Variants in DLG2 observed in about 807,000 individuals in gnomAD.
DLG2 encodes the protein disks large homolog 2.
DLG2 carries 45 observed loss-of-function variants against 132.5 expected under a neutral mutation model. The observed-to-expected ratio is 0.34, with a 90% CI of 0.27 to 0.44. DLG2 has a LOEUF of 0.44. DLG2 is among the 20% of genes least tolerant of loss of function. DLG2 has a pLI of 1.00. For missense variants in DLG2, 1,045 were observed against 1,196.9 expected, an observed-to-expected ratio of 0.87 and a Z score of 1.87; for synonymous variants, 424 against 419.6, an observed-to-expected ratio of 1.01 and a Z score of -0.13.
intron 18 of DLG2, among the ~76,000 whole-genome samples, chr11:83,767,581 G>T (rs556867692): frequency 6.6e-6 from 1 of 152,288 alleles, no homozygotes; most frequent in South Asian, 2.1e-4. Context: ...CTAATACTTT[G>T]CTGTGTGATC....
At chr11:85,624,872 G>C (rs182351517) in intron 2 of DLG2, among the ~76,000 whole-genome samples, 6 of 152,240 alleles carry the variant, frequency 3.9e-5, no homozygotes, top group Admixed American at 1.3e-4. Context: ...AGAAGAAAGG[G>C]AAGGAGGGAG....
chr11:83,563,806 A>C (rs928960943), intron 19 of DLG2, among the ~76,000 whole-genome samples: 10 of 152,184 alleles, frequency 6.6e-5, no homozygotes, highest in African/African-American at 1.9e-4. Flanking sequence ...ACTAAATGAA[A>C]CTGTATTTAT....
intron 11 of DLG2, among the ~76,000 whole-genome samples, chr11:84,037,687 G>T (rs2095905603): frequency 6.6e-6 from 1 of 151,988 alleles, no homozygotes; most frequent in Non-Finnish European, 1.5e-5. Flanking sequence ...TTAAATGTTT[G>T]TTGAATTATT....
chr11:85,040,096 C>T lies in DLG2; in HGVS notation c.357+71565G>A, dbSNP rs575339505. On this transcript the variant is annotated intron_variant, in intron 6 of 27. Transcript: ENST00000376104. ...TGTAACTTATTCAATGTGCACTTTC[C>T]GAGACAGTTCCACAAAAGATCATAA... Among the ~76,000 whole-genome samples, 49 of 151,956 alleles carry T rather than the reference C, an allele frequency of 3.2e-4. No homozygotes were observed. The South Asian group carries it at 6.4e-3, about 20-fold the overall frequency.
intron 8 of DLG2, among the ~76,000 whole-genome samples, chr11:84,220,189 C>G (rs2096893995): frequency 1.3e-5 from 2 of 152,154 alleles, no homozygotes; most frequent in Admixed American, 1.3e-4. Flanking sequence ...AGGCTCTGTA[C>G]TGAGACTCAT....
At chr11:84,027,596 A>G (rs1257294559) in intron 11 of DLG2, among the ~76,000 whole-genome samples, 2 of 152,152 alleles carry the variant, frequency 1.3e-5, no homozygotes, top group African/African-American at 2.4e-5. Flanking sequence ...TGTTATAAAC[A>G]TATTACTTAC....
intron 6 of DLG2, among the ~76,000 whole-genome samples, chr11:84,632,794 A>G (rs2154543988): frequency 6.6e-6 from 1 of 152,318 alleles, no homozygotes; most frequent in East Asian, 1.9e-4. Flanking sequence ...AAATAAGATT[A>G]TATTTTAAAG....
At chr11:85,276,006 T>C (rs2077869129) in intron 4 of DLG2, among the ~76,000 whole-genome samples, 1 of 152,216 alleles carries the variant, frequency 6.6e-6, no homozygotes, top group African/African-American at 2.4e-5. Context: ...AAGCTCTCCA[T>C]GGACGGAGTC....
At chr11:83,945,190 C>A (rs1395907286) in intron 14 of DLG2, among the ~76,000 whole-genome samples, 2 of 152,158 alleles carry the variant, frequency 1.3e-5, no homozygotes, top group African/African-American at 4.8e-5. Context: ...GCTTCAGAAT[C>A]GCTTGAACTC....
At chr11:84,732,373 T>C (rs1374561922) in intron 6 of DLG2, among the ~76,000 whole-genome samples, 1 of 152,064 alleles carries the variant, frequency 6.6e-6, no homozygotes, top group African/African-American at 2.4e-5. Flanking sequence ...TCATTTTACA[T>C]TCCCACCAGC....
chr11:85,397,243 C>A (rs2087484478), intron 3 of DLG2, among the ~76,000 whole-genome samples: 1 of 152,166 alleles, frequency 6.6e-6, no homozygotes, highest in African/African-American at 2.4e-5. Context: ...GATTTTGTCA[C>A]CACCAGGCAT....
chr11:85,118,298 T>A (rs1187999035), intron 5 of DLG2, among the ~76,000 whole-genome samples: 2 of 152,080 alleles, frequency 1.3e-5, no homozygotes, highest in Non-Finnish European at 2.9e-5. Flanking sequence ...ACAAGCGTTT[T>A]TCAGTGGGCA....
At chr11:84,298,940 T>C (rs1392998487) in intron 7 of DLG2, among the ~76,000 whole-genome samples, 1 of 152,222 alleles carries the variant, frequency 6.6e-6, no homozygotes, top group East Asian at 1.9e-4. Flanking sequence ...CCTTGAATGC[T>C]TTGCTAGGGA....
chr11:85,039,637 T>A (rs1018791445), intron 6 of DLG2, among the ~76,000 whole-genome samples: 1 of 151,812 alleles, frequency 6.6e-6, no homozygotes, highest in African/African-American at 2.4e-5. Flanking sequence ...ATGTTAACCA[T>A]GATGTTGGGG....
Position 83,466,802 on chromosome 11 carries a change from G to A in DLG2, c.2635C>T (p.Leu879Phe), listed in dbSNP as rs368892076. The part of the protein sequence containing the change: ...FVAERGKHCI[L>F]DVSGNAIKRL... ...TTGATAGCATTTCCTGATACATCAA[G>A]TATACAGTGTTTGCCCTGGTAGAAA... The change falls in exon 26 of 28, where the codon CTT becomes TTT. Residue 879 changes from leucine to phenylalanine, a missense_variant. By Grantham distance (22) the Leu-to-Phe change is conservative. Transcript: ENST00000376104. 6.2e-7 allele frequency: 1 copy of A among 1,611,950 alleles called. No homozygotes were observed. Among genetic ancestry groups the A allele is most frequent in the Non-Finnish European group, 8.5e-7 (1 of 1,178,110 alleles).
chr11:83,766,509 T>G (rs1051448311), intron 18 of DLG2, among the ~76,000 whole-genome samples: 4 of 151,992 alleles, frequency 2.6e-5, no homozygotes, highest in African/African-American at 9.7e-5. Flanking sequence ...CTTATAAATT[T>G]GAAAAATGAG....
intron 4 of DLG2, among the ~76,000 whole-genome samples, chr11:85,177,294 C>CATATAT (rs1477202174): frequency 6.1e-4 from 89 of 146,092 alleles, no homozygotes; most frequent in African/African-American, 2.3e-3. Context: ...TATACACACA[C>CATATAT]ACACACACAC....
chr11:85,119,638 T>C (rs1410028868), intron 5 of DLG2, among the ~76,000 whole-genome samples: 1 of 151,946 alleles, frequency 6.6e-6, no homozygotes, highest in Non-Finnish European at 1.5e-5. Flanking sequence ...AACTACAAAG[T>C]CTCATGGAAA....
chr11:84,657,569 A>G (rs2099689709), intron 6 of DLG2, among the ~76,000 whole-genome samples: 1 of 152,194 alleles, frequency 6.6e-6, no homozygotes, highest in African/African-American at 2.4e-5. Flanking sequence ...GTTCCACCTC[A>G]GATCATCAGG....
Sources: allele counts gnomAD v4.1 joint callset (sites outside exome capture counted in the v4.1 genomes callset), GRCh38; gene constraint gnomAD v4.1.1; transcripts MANE v1.5; gene names NCBI Gene and HGNC (gene_info 2026-07-23, HGNC 2026-07-21).